LIMA1: variants seen among roughly 807,000 people sequenced by gnomAD.
The protein encoded by LIMA1 is LIM domain and actin-binding protein 1.
Under a neutral mutation model 62.6 loss-of-function variants are expected in LIMA1, and 52 were observed. The ratio of observed to expected loss-of-function variants is 0.83; its 90% CI spans 0.67 to 1.05. The LOEUF (loss-of-function observed/expected upper bound fraction) is 1.05. Among genes scored for constraint, LIMA1 ranks in the 50% least tolerant of loss-of-function variants. The pLI is 0.00. For missense variants in LIMA1, 780 were observed against 902.2 expected (o/e 0.86, Z 1.74); for synonymous variants, 302 against 317.8 (o/e 0.95, Z 0.53).
chr12:50,280,038 A>G (rs1942319551), intron 1 of LIMA1, among the ~76,000 whole-genome samples: 1 of 152,044 alleles, frequency 6.6e-6, no homozygotes, highest in African/African-American at 2.4e-5. Context: ...ACTCTGTTAC[A>G]GAATAATTAA....
At chr12:50,237,977 T>C (rs1219491666) in intron 2 of LIMA1, among the ~76,000 whole-genome samples, 2 of 152,226 alleles carry the variant, frequency 1.3e-5, no homozygotes, top group Non-Finnish European at 2.9e-5. Context: ...TATAAAACTC[T>C]TGGTTGAAAC....
At chr12:50,283,254 A>G (rs1202560951) in intron 1 of LIMA1, among the ~76,000 whole-genome samples, 166 bp downstream of exon 1, 1 of 151,752 alleles carries the variant, frequency 6.6e-6, no homozygotes, top group Non-Finnish European at 1.5e-5. Flanking sequence ...AGGCCCCAGA[A>G]GTGAGGAAAG....
chr12:50,231,655 G>GAATACTTACACTTCTCA lies in LIMA1; in HGVS notation c.165+9_165+10insTGAGAAGTGTAAGTATT. On this transcript the variant is annotated intron_variant, in intron 3 of 10. Transcript: ENST00000341247. ...AAGTGCCACATGCCCTGGAATTTCT[G>GAATACTTACACTTCTCA]AATACTTACACTTCTCTTCTTCTCC... 6.2e-7 allele frequency: 1 copy of GAATACTTACACTTCTCA among 1,613,602 alleles called. No individual in the cohort carries two copies. Among genetic ancestry groups the GAATACTTACACTTCTCA allele is most frequent in the Non-Finnish European group, 8.5e-7 (1 of 1,179,538 alleles).
chr12:50,226,743 G>A (rs569155519), intron 3 of LIMA1, among the ~76,000 whole-genome samples: 2 of 151,872 alleles, frequency 1.3e-5, no homozygotes, highest in East Asian at 3.9e-4. Context: ...GGAGGCTGAG[G>A]CAGGAGAATC....
chr12:50,176,102 TAGTA>T lies in LIMA1; in HGVS notation c.*958_*961del, dbSNP rs1181732839. 2.6e-5 allele frequency: 4 copies of T among 152,214 alleles called. No homozygotes were observed. Among genetic ancestry groups the T allele is most frequent in the African/African-American group, 4.8e-5 (2 of 41,462 alleles). The allele number at this position is 152,214 out of a possible 1,614,324, so 9.4% of individuals were successfully genotyped here. A position where few individuals can be genotyped will look rare whatever the true frequency, so the allele number is the denominator to read the frequency against. Reference sequence around the variant, plus strand: ...GATAAAAATCAATATATTTCAGAGCTAGTAAGTATTTAAAAATTAGTGTCTCAAA... The same window carrying T: ...GATAAAAATCAATATATTTCAGAGCTAGTATTTAAAAATTAGTGTCTCAAA... On this transcript the variant is annotated 3_prime_UTR_variant, in exon 11 of 11. Transcript: ENST00000341247.
chr12:50,177,750 A>G lies in LIMA1; in HGVS notation c.1594T>C (p.Trp532Arg). 1 of 1,614,144 alleles carries G rather than the reference A, an allele frequency of 6.2e-7. No individual in the cohort carries two copies. Among genetic ancestry groups the G allele is most frequent in the Non-Finnish European group, 8.5e-7 (1 of 1,180,018 alleles). The change falls in exon 11 of 11, where the codon TGG (tryptophan) becomes CGG (arginine). Residue 532 changes from tryptophan to arginine, a missense_variant. Physicochemically the swap from Trp to Arg is moderately radical, Grantham distance 101. Transcript: ENST00000341247. Reference sequence around the variant, plus strand: ...CTTCCAAGTTCAGTGGGGGGTGGCCAGGCGATCCTCAGCTTCTTGGTTTCA... The same window carrying G: ...CTTCCAAGTTCAGTGGGGGGTGGCCGGGCGATCCTCAGCTTCTTGGTTTCA... ...PAETKKLRIAWPPPTELGSSG... is the reference protein window; with the variant it reads ...PAETKKLRIARPPPTELGSSG...
intron 5 of LIMA1, among the ~76,000 whole-genome samples, chr12:50,205,335 A>G (rs1299809738): frequency 6.6e-6 from 1 of 151,648 alleles, no homozygotes; most frequent in Non-Finnish European, 1.5e-5. Flanking sequence ...AGCCTCCCTA[A>G]GTGCTGAGAT....
chr12:50,194,824 G>A (rs1940893049), intron 8 of LIMA1, among the ~76,000 whole-genome samples: 1 of 152,004 alleles, frequency 6.6e-6, no homozygotes, highest in Non-Finnish European at 1.5e-5. Flanking sequence ...GAGGCGGGTG[G>A]ATTGCCTGAG....
chr12:50,258,694 C>T (rs1942028939), intron 1 of LIMA1, among the ~76,000 whole-genome samples: 1 of 129,976 alleles, frequency 7.7e-6, no homozygotes, highest in Non-Finnish European at 1.5e-5. Context: ...TGTCACCAGG[C>T]TGGAGTGCAG....
At chr12:50,253,408 C>T (rs964532614) in intron 1 of LIMA1, among the ~76,000 whole-genome samples, 1 of 152,154 alleles carries the variant, frequency 6.6e-6, no homozygotes, top group African/African-American at 2.4e-5. Flanking sequence ...ACAAAGATCA[C>T]TTAGCTATAA....
intron 7 of LIMA1, among the ~76,000 whole-genome samples, chr12:50,199,367 C>A (rs1265759051): frequency 6.6e-6 from 1 of 152,100 alleles, no homozygotes; most frequent in Non-Finnish European, 1.5e-5. Context: ...CCTCAGCCAT[C>A]ATCTCTGGTT....
chr12:50,247,534 AC>A (rs1425986514), intron 2 of LIMA1, among the ~76,000 whole-genome samples: 5 of 151,948 alleles, frequency 3.3e-5, no homozygotes, highest in African/African-American at 1.2e-4. Flanking sequence ...CCTTTGGGCC[AC>A]CCTGGCTGAT....
chr12:50,220,969 TTTCTAA>T (rs1300942655), intron 4 of LIMA1, among the ~76,000 whole-genome samples: 5 of 152,298 alleles, frequency 3.3e-5, no homozygotes, highest in South Asian at 4.1e-4. Context: ...TTCAAGAACT[TTTCTAA>T]TTCTAAGTAG....
At chr12:50,214,305 A>G (rs536806381) in intron 4 of LIMA1, among the ~76,000 whole-genome samples, 9 of 152,368 alleles carry the variant, frequency 5.9e-5, no homozygotes, top group African/African-American at 2.2e-4. Context: ...AATTAACAAT[A>G]ACATGCAAAA....
intron 2 of LIMA1, among the ~76,000 whole-genome samples, chr12:50,234,785 G>GCTTGATCGCTTGAACCCA (rs1163370695): frequency 7.2e-5 from 11 of 152,088 alleles, no homozygotes; most frequent in African/African-American, 2.4e-4. Flanking sequence ...AGGCCGAGCT[G>GCTTGATCGCTTGAACCCA]GGCGGATCGC....
intron 7 of LIMA1, among the ~76,000 whole-genome samples, chr12:50,197,930 T>G (rs1940965898): frequency 6.6e-6 from 1 of 152,144 alleles, no homozygotes; most frequent in South Asian, 2.1e-4. Context: ...ATAACTCACT[T>G]AATACATGGC....
chr12:50,221,251 C>A (rs1941434314), intron 4 of LIMA1, among the ~76,000 whole-genome samples: 1 of 152,058 alleles, frequency 6.6e-6, no homozygotes, highest in Non-Finnish European at 1.5e-5. Context: ...GAACCATCCC[C>A]ATGTACAAAG....
intron 4 of LIMA1, among the ~76,000 whole-genome samples, chr12:50,208,282 G>A (rs775662588): frequency 6.6e-6 from 1 of 152,018 alleles, no homozygotes; most frequent in East Asian, 1.9e-4. Flanking sequence ...TCAGGAGTTC[G>A]AGACCAGCCT....
intron 9 of LIMA1, chr12:50,185,280 A>G (rs574288049): frequency 2.3e-6 from 1 of 438,828 alleles, no homozygotes; most frequent in African/African-American, 2.0e-5. Context: ...GACGCAGAGC[A>G]CTCCTCCATC....
Sources: allele counts gnomAD v4.1 joint callset (sites outside exome capture counted in the v4.1 genomes callset), GRCh38; gene constraint gnomAD v4.1.1; transcripts MANE v1.5; gene names NCBI Gene and HGNC (gene_info 2026-07-23, HGNC 2026-07-21).